Variants in KCNIP4 observed in about 807,000 individuals in gnomAD.
KCNIP4 encodes the protein Kv channel-interacting protein 4.
A neutral mutation model predicts 34.0 loss-of-function variants in KCNIP4; 12 were observed. That is an observed-to-expected ratio of 0.35 (90% CI 0.23 to 0.57). KCNIP4 has a LOEUF of 0.57. Ranked by LOEUF, KCNIP4 falls within the 20% of genes least tolerant of loss-of-function variation. KCNIP4 has a pLI of 0.83. For synonymous variants in KCNIP4, 124 were observed against 102.2 expected, an observed-to-expected ratio of 1.21 and a Z score of -1.29; for missense variants, 238 against 311.7, an observed-to-expected ratio of 0.76 and a Z score of 1.78.
chr4:21,760,953 C>A (rs916350976), intron 1 of KCNIP4, among the ~76,000 whole-genome samples: 2 of 152,204 alleles, frequency 1.3e-5, no homozygotes, highest in South Asian at 2.1e-4. Context: ...GTTCTAGGTG[C>A]TTATGAGTCT....
chr4:21,770,912 T>C (rs1718737261), intron 1 of KCNIP4, among the ~76,000 whole-genome samples: 2 of 152,330 alleles, frequency 1.3e-5, no homozygotes, highest in South Asian at 2.1e-4. Flanking sequence ...CCTCTGATGA[T>C]AGTTTCTTTG....
intron 1 of KCNIP4, among the ~76,000 whole-genome samples, chr4:21,924,664 T>A (rs1412445907): frequency 6.6e-6 from 1 of 152,182 alleles, no homozygotes; most frequent in African/African-American, 2.4e-5. Context: ...CTCCATCAAT[T>A]TTTTAAGGGT....
At chr4:20,948,177 T>C (rs1732394588) in intron 1 of KCNIP4, among the ~76,000 whole-genome samples, 3 of 152,234 alleles carry the variant, frequency 2.0e-5, no homozygotes. Context: ...CTTATTCATT[T>C]GCAATATTTC....
At chr4:20,787,589 A>G (rs1453369706) in intron 3 of KCNIP4, among the ~76,000 whole-genome samples, 1 of 152,098 alleles carries the variant, frequency 6.6e-6, no homozygotes, top group East Asian at 1.9e-4. Flanking sequence ...TTTTAAGTGC[A>G]TTAACTTTTA....
chr4:21,052,297 T>C (rs1466632824), intron 1 of KCNIP4, among the ~76,000 whole-genome samples: 1 of 152,170 alleles, frequency 6.6e-6, no homozygotes, highest in Non-Finnish European at 1.5e-5. Flanking sequence ...ACTAAATGAC[T>C]CTAATCTAGA....
Position 21,757,968 on chromosome 4 carries a change from G to A in KCNIP4, c.61+190603C>T, listed in dbSNP as rs114599319. Among the ~76,000 whole-genome samples the A allele has an allele frequency of 9.6e-3, 1,458 of 152,192 alleles. 25 individuals are homozygous for A. The highest frequency in any genetic ancestry group is 0.033 in the African/African-American group (1,352 of 41,526). ...GTTTGTGTCCTTATGCAAGTAATTT[G>A]ACCTTAGTATGCCTTATTTTTCACA... is the stretch of plus-strand genomic sequence containing the variant. On this transcript the variant is annotated intron_variant, in intron 1 of 8. Coordinates refer to ENST00000382152, the MANE Select transcript of KCNIP4 (RefSeq NM_025221.6).
intron 1 of KCNIP4, among the ~76,000 whole-genome samples, chr4:21,424,056 T>C (rs947593936): frequency 2.7e-5 from 4 of 150,116 alleles, no homozygotes; most frequent in African/African-American, 9.8e-5. Flanking sequence ...CCTGACCTCA[T>C]GATCCACCCG....
chr4:20,990,830 C>G (rs965637294), intron 1 of KCNIP4, among the ~76,000 whole-genome samples: 6 of 152,128 alleles, frequency 3.9e-5, no homozygotes, highest in Admixed American at 3.9e-4. Context: ...AGGTGTCTGT[C>G]ACATCCCACC....
At chr4:21,944,843 A>C (rs934078292) in intron 1 of KCNIP4, among the ~76,000 whole-genome samples, 4 of 119,190 alleles carry the variant, frequency 3.4e-5, no homozygotes, top group African/African-American at 1.6e-4. Flanking sequence ...TAACCAAATG[A>C]ATACTTTTGG....
chr4:20,880,529 G>A (rs932835389), intron 2 of KCNIP4, among the ~76,000 whole-genome samples: 1 of 151,838 alleles, frequency 6.6e-6, no homozygotes, highest in African/African-American at 2.4e-5. Context: ...GTTGAAAATT[G>A]CATTGCATCC....
At chr4:21,440,289 G>A (rs988449243) in intron 1 of KCNIP4, among the ~76,000 whole-genome samples, 4 of 152,166 alleles carry the variant, frequency 2.6e-5, no homozygotes, top group Non-Finnish European at 5.9e-5. Context: ...TGTGTTCACT[G>A]TAATGAGAAT....
chr4:21,446,542 G>A (rs1014174991), intron 1 of KCNIP4, among the ~76,000 whole-genome samples: 10 of 147,572 alleles, frequency 6.8e-5, no homozygotes, highest in African/African-American at 1.5e-4. Context: ...ACCAAACACC[G>A]CATGTTCTCA....
chr4:21,411,432 T>C (rs953912258), intron 1 of KCNIP4, among the ~76,000 whole-genome samples: 2 of 152,144 alleles, frequency 1.3e-5, no homozygotes, highest in Non-Finnish European at 2.9e-5. Flanking sequence ...TCAACAATGT[T>C]ACAGAAAGTA....
intron 3 of KCNIP4, among the ~76,000 whole-genome samples, chr4:20,814,340 T>A (rs997202249): frequency 6.6e-6 from 1 of 152,180 alleles, no homozygotes; most frequent in Admixed American, 6.5e-5. Context: ...TTCCTTGTCA[T>A]CCCTTCATGA....
intron 1 of KCNIP4, among the ~76,000 whole-genome samples, chr4:20,955,862 T>C (rs1444204040): frequency 6.6e-6 from 1 of 152,226 alleles, no homozygotes; most frequent in Admixed American, 6.5e-5. Context: ...TATCCTCCTT[T>C]TATTATTTTA....
At chr4:21,721,927 A>G (rs1283040178) in intron 1 of KCNIP4, among the ~76,000 whole-genome samples, 1 of 152,138 alleles carries the variant, frequency 6.6e-6, no homozygotes, top group African/African-American at 2.4e-5. Context: ...GCATTTAGAC[A>G]GTGCTTACCT....
chr4:21,948,533 G>C, intron 1 of KCNIP4, 38 bp downstream of exon 1: 1 of 1,596,894 alleles, frequency 6.3e-7, no homozygotes, highest in Non-Finnish European at 8.5e-7. Context: ...GAAGGAGGGC[G>C]GAAGCGGGCG....
chr4:21,344,122 A>G (rs1035396263), intron 1 of KCNIP4, among the ~76,000 whole-genome samples: 3 of 152,196 alleles, frequency 2.0e-5, no homozygotes, highest in East Asian at 1.9e-4. Context: ...ACAAAGGACT[A>G]TAAGTACAGT....
intron 3 of KCNIP4, among the ~76,000 whole-genome samples, chr4:20,821,655 C>T (rs1260324504): frequency 6.6e-6 from 1 of 152,056 alleles, no homozygotes; most frequent in Non-Finnish European, 1.5e-5. Context: ...CCCACAAGCC[C>T]CCAAAGTCCA....
Sources: gnomAD v4.1 joint callset for allele counts (sites outside exome capture counted in the v4.1 genomes callset) on GRCh38, gnomAD v4.1.1 for gene constraint, MANE v1.5 for transcripts, NCBI Gene and HGNC (gene_info 2026-07-23, HGNC 2026-07-21) for gene names.